RFWD3: variants seen among roughly 807,000 people sequenced by gnomAD.
RFWD3 encodes E3 ubiquitin-protein ligase RFWD3.
A neutral mutation model predicts 87.7 loss-of-function variants in RFWD3; 65 were observed. That is an observed-to-expected ratio of 0.74 (90% confidence interval 0.61 to 0.91). RFWD3 has a LOEUF of 0.91. RFWD3 is among the 40% of genes least tolerant of loss of function. The probability of loss-of-function intolerance (pLI) is 0.00; values close to 1 mark genes in which losing one functional copy is unlikely to be tolerated. For synonymous variants in RFWD3, 433 were observed against 352.8 expected (o/e 1.23, Z -2.55); for missense variants, 1,078 against 938.5 (o/e 1.15, Z -1.94).
chr16:74,641,811 G>A (rs947946406), intron 6 of RFWD3, among the ~76,000 whole-genome samples: 6 of 150,386 alleles, frequency 4.0e-5, no homozygotes, highest in Non-Finnish European at 5.9e-5. Context: ...CTGTAATCCC[G>A]GCTACTTGGG....
intron 10 of RFWD3, 22 bp downstream of exon 10, chr16:74,630,759 A>G (rs2144060708): frequency 6.4e-7 from 1 of 1,565,526 alleles, no homozygotes; most frequent in South Asian, 1.2e-5. Context: ...TACCACCAGG[A>G]AAAGAGTGAG....
chr16:74,626,170 C>T (rs1181325984), intron 12 of RFWD3, among the ~76,000 whole-genome samples, 173 bp downstream of exon 12: 5 of 152,128 alleles, frequency 3.3e-5, no homozygotes, highest in Admixed American at 3.3e-4. Context: ...GAAAGCACGA[C>T]TCATGGAAAC....
intron 8 of RFWD3, among the ~76,000 whole-genome samples, chr16:74,634,488 G>A (rs892515228): frequency 1.8e-4 from 27 of 151,958 alleles, no homozygotes; most frequent in Admixed American, 6.6e-4. Context: ...AGGCTCAAGC[G>A]ATCCTCCCAA....
intron 4 of RFWD3, among the ~76,000 whole-genome samples, chr16:74,647,169 CAAATA>C (rs1960216266): frequency 1.3e-5 from 2 of 151,968 alleles, no homozygotes; most frequent in South Asian, 2.1e-4. Flanking sequence ...GAGCCAGACT[CAAATA>C]AAAACACAAA....
intron 10 of RFWD3, among the ~76,000 whole-genome samples, chr16:74,629,499 A>G (rs1345103624): frequency 6.6e-6 from 1 of 152,108 alleles, no homozygotes; most frequent in Non-Finnish European, 1.5e-5. Context: ...TCTCTACTAA[A>G]AATACAAAAG....
intron 9 of RFWD3, among the ~76,000 whole-genome samples, chr16:74,631,598 G>C (rs994330842): frequency 6.6e-6 from 1 of 152,162 alleles, no homozygotes; most frequent in African/African-American, 2.4e-5. Flanking sequence ...AGTACTCACA[G>C]AGCATGTGAC....
chr16:74,633,797 A>C (rs561456198), intron 8 of RFWD3, among the ~76,000 whole-genome samples: 1 of 152,122 alleles, frequency 6.6e-6, no homozygotes, highest in African/African-American at 2.4e-5. Context: ...AAAAAATATG[A>C]GAATTAGCTG....
chr16:74,639,368 C>T (rs1392847125), intron 6 of RFWD3, among the ~76,000 whole-genome samples: 1 of 152,188 alleles, frequency 6.6e-6, no homozygotes, highest in East Asian at 1.9e-4. Flanking sequence ...TACAACATCA[C>T]TTACGCAACA....
At chr16:74,634,333 G>A (rs1959175874) in intron 8 of RFWD3, among the ~76,000 whole-genome samples, 1 of 151,722 alleles carries the variant, frequency 6.6e-6, no homozygotes, top group African/African-American at 2.4e-5. Context: ...TTGTTACTCT[G>A]TTCTCTTACT....
chr16:74,636,920 C>T (rs1306665983), intron 7 of RFWD3, among the ~76,000 whole-genome samples: 4 of 151,816 alleles, frequency 2.6e-5, no homozygotes, highest in Admixed American at 1.3e-4. Flanking sequence ...ACCACGTTGG[C>T]CGGGCTGGTC....
intron 3 of RFWD3, among the ~76,000 whole-genome samples, chr16:74,650,803 G>C (rs1003592028): frequency 2.6e-5 from 4 of 151,914 alleles, no homozygotes; most frequent in African/African-American, 9.7e-5. Context: ...CTTGAGCCTG[G>C]GAGGTCAAGG....
rs533062966 is a variant in RFWD3 at position 74,661,355 on chromosome 16, C to T, written c.95G>A (p.Gly32Glu). The stretch of plus-strand genomic sequence containing the variant: ...AGGAACAGGCTGGAGGAGGGCTGGT[C>T]CCCCTTGGCTGCTGGCCATGCCAGC... ...APAGMASSQG[G>E]PALLQPVPAD... The change falls in exon 2 of 13, where the codon GGA (glycine) becomes GAA (glutamate). Residue 32 changes from glycine to glutamate, a missense_variant. Gly to Glu is a moderately conservative substitution (Grantham distance 98, BLOSUM62 -2). Coordinates refer to ENST00000361070, the MANE Select transcript of RFWD3 (RefSeq NM_018124.4). 4.3e-6 allele frequency: 7 copies of T among 1,613,776 alleles called. No homozygotes were observed. Among genetic ancestry groups the T allele is most frequent in the Non-Finnish European group, 5.9e-6 (7 of 1,179,992 alleles).
At chr16:74,663,728 G>A (rs1161967578) in intron 1 of RFWD3, among the ~76,000 whole-genome samples, 1 of 152,120 alleles carries the variant, frequency 6.6e-6, no homozygotes, top group African/African-American at 2.4e-5. Flanking sequence ...AGGCCATAAA[G>A]GAGAAACTGA....
At chr16:74,645,898 G>A (rs546943012) in intron 4 of RFWD3, among the ~76,000 whole-genome samples, 8 of 151,464 alleles carry the variant, frequency 5.3e-5, no homozygotes, top group Non-Finnish European at 1.2e-4. Flanking sequence ...GACTACAGGC[G>A]CCTGCCACCA....
At chr16:74,658,916 T>C (rs747378714) in intron 2 of RFWD3, among the ~76,000 whole-genome samples, 1 of 152,040 alleles carries the variant, frequency 6.6e-6, no homozygotes, top group Non-Finnish European at 1.5e-5. Flanking sequence ...CACAGGTGTG[T>C]GCCACCACGC....
intron 1 of RFWD3, chr16:74,666,330 T>C (rs547541219): frequency 1.3e-5 from 2 of 152,200 alleles, no homozygotes; most frequent in Non-Finnish European, 2.9e-5. Context: ...ACAGGGATAA[T>C]ACAAGTCTTT....
At position 74,628,662 on chromosome 16, in the gene RFWD3, G is replaced by C; in HGVS notation, c.1759C>G (p.Pro587Ala). The C allele has an allele frequency of 6.2e-7, 1 of 1,614,018 alleles. No individual in the cohort carries two copies. The highest frequency in any genetic ancestry group is 8.5e-7 in the Non-Finnish European group (1 of 1,180,002). The change falls in exon 11 of 13, where the codon CCA becomes GCA. Residue 587 changes from proline to alanine, a missense_variant. Coordinates refer to ENST00000361070, the MANE Select transcript of RFWD3 (RefSeq NM_018124.4). The part of the protein sequence containing the change: ...QELVAQKARC[P>A]LVSLSYMPRA... ...GGCATGTATGACAGGGAGACCAGTGGGCATCTGAAAGGAAAGTAAGGAAAC... is the reference window on the plus strand; with the variant it reads ...GGCATGTATGACAGGGAGACCAGTGCGCATCTGAAAGGAAAGTAAGGAAAC...
intron 2 of RFWD3, among the ~76,000 whole-genome samples, chr16:74,652,378 T>A (rs1567582918): frequency 6.6e-6 from 1 of 152,094 alleles, no homozygotes. Flanking sequence ...TCTATTTTAC[T>A]GGCATCTGGC....
At chr16:74,647,793 T>C (rs370456974) in intron 4 of RFWD3, among the ~76,000 whole-genome samples, 49 of 152,336 alleles carry the variant, frequency 3.2e-4, no homozygotes, top group African/African-American at 1.1e-3. Context: ...GGTTTCGCCA[T>C]GTTGGCCAGG....
Sources: allele counts gnomAD v4.1 joint callset (sites outside exome capture counted in the v4.1 genomes callset), GRCh38; gene constraint gnomAD v4.1.1; transcripts MANE v1.5; gene names NCBI Gene and HGNC (gene_info 2026-07-23, HGNC 2026-07-21).